The following TNFAIP8 variants were observed in gnomAD, a reference collection of about 807,000 sequenced individuals.
The protein encoded by TNFAIP8 is tumor necrosis factor alpha-induced protein 8.
Under a neutral mutation model 13.3 loss-of-function variants are expected in TNFAIP8, and 7 were observed. The observed-to-expected ratio is 0.52, with a 90% CI of 0.30 to 0.99. TNFAIP8 has a LOEUF of 0.99. TNFAIP8 is among the 50% of genes least tolerant of loss of function. The pLI, the probability that TNFAIP8 is intolerant of heterozygous loss-of-function variation, is 0.07. For missense variants in TNFAIP8, 258 were observed against 236.9 expected, an observed-to-expected ratio of 1.09 and a Z score of -0.58; for synonymous variants, 94 against 87.6, an observed-to-expected ratio of 1.07 and a Z score of -0.41.
In TNFAIP8 at chr5:119,393,081, G is replaced by A; in HGVS notation, c.297G>A (p.Met99Ile). ...TTAATCAAGATGAGCTAGCATTGAT[G>A]GAGAAATTTAAGAAGAAAGTTCATC... is the stretch of plus-strand genomic sequence containing the variant. The part of the protein sequence containing the change: ...NQFNQDELAL[M>I]EKFKKKVHQL... Residue 99 changes from methionine to isoleucine, a missense_variant, in exon 2 of 2, where the codon ATG becomes ATA. Met to Ile is a conservative substitution (Grantham distance 10, BLOSUM62 1). Coordinates refer to ENST00000504771, the MANE Select transcript of TNFAIP8 (RefSeq NM_014350.4). 1 of 1,613,874 alleles carries A rather than the reference G, an allele frequency of 6.2e-7. No individual in the cohort carries two copies. Among genetic ancestry groups the A allele is most frequent in the Non-Finnish European group, 8.5e-7 (1 of 1,179,836 alleles).
chr5:119,274,865 G>C (rs1504978), intron 1 of TNFAIP8, among the ~76,000 whole-genome samples: 61,250 of 152,022 alleles, frequency 0.4, 13,091 homozygotes, highest in African/African-American at 0.52. Flanking sequence ...GACTATTCCT[G>C]TGAACCTGAC....
chr5:119,347,577 G>A (rs1448314824), intron 1 of TNFAIP8, among the ~76,000 whole-genome samples: 1 of 152,130 alleles, frequency 6.6e-6, no homozygotes. Context: ...ACAACTTTGT[G>A]AATCATAACT....
chr5:119,334,624 C>CGTGTGTGTGTGTGTGTGTGT (rs59714206), intron 1 of TNFAIP8, among the ~76,000 whole-genome samples: 8 of 135,800 alleles, frequency 5.9e-5, no homozygotes, highest in African/African-American at 2.3e-4. Context: ...GTGATCCTTT[C>CGTGTGTGTGTGTGTGTGTGT]GTGTGTGTGT....
intron 1 of TNFAIP8, among the ~76,000 whole-genome samples, chr5:119,343,602 G>A (rs1750808597): frequency 6.6e-6 from 1 of 152,178 alleles, no homozygotes; most frequent in African/African-American, 2.4e-5. Context: ...TGTCCAGCAT[G>A]CATTGTATGC....
chr5:119,288,248 A>G (rs1289629862), intron 1 of TNFAIP8, among the ~76,000 whole-genome samples: 1 of 152,078 alleles, frequency 6.6e-6, no homozygotes, highest in Non-Finnish European at 1.5e-5. Flanking sequence ...ACAGTTTTTC[A>G]TGTTTTTATG....
At chr5:119,295,250 A>G in intron 1 of TNFAIP8, among the ~76,000 whole-genome samples, 1 of 67,088 alleles carries the variant, frequency 1.5e-5, no homozygotes, top group Non-Finnish European at 2.8e-5. Flanking sequence ...TCTAACGTTT[A>G]GTCTAACGTT....
intron 1 of TNFAIP8, among the ~76,000 whole-genome samples, chr5:119,298,657 T>C (rs1400775207): frequency 6.6e-6 from 1 of 152,164 alleles, no homozygotes; most frequent in African/African-American, 2.4e-5. Context: ...TTGGCCTGCC[T>C]TGCTGGATTG....
intron 1 of TNFAIP8, among the ~76,000 whole-genome samples, chr5:119,283,564 T>C (rs1308421810): frequency 1.3e-5 from 2 of 152,210 alleles, no homozygotes; most frequent in Admixed American, 6.5e-5. Flanking sequence ...AGGGAAACTC[T>C]TAGCCTTGGT....
chr5:119,355,461 T>C (rs1039325332), upstream of TNFAIP8: 3 of 670,604 alleles, frequency 4.5e-6, no homozygotes, highest in African/African-American at 5.3e-5. Flanking sequence ...TGTGCTCTCT[T>C]AAGCTGGTCC....
At chr5:119,298,619 C>T (rs1421361521) in intron 1 of TNFAIP8, among the ~76,000 whole-genome samples, 3 of 151,818 alleles carry the variant, frequency 2.0e-5, no homozygotes, top group South Asian at 2.1e-4. Context: ...ATCTTTGTGG[C>T]ATTCTCTGTA....
At chr5:119,312,533 C>T (rs886172512) in intron 1 of TNFAIP8, among the ~76,000 whole-genome samples, 8 of 151,580 alleles carry the variant, frequency 5.3e-5, no homozygotes, top group South Asian at 2.1e-4. Context: ...TGACATACAC[C>T]GGGACTCAAA....
intron 1 of TNFAIP8, among the ~76,000 whole-genome samples, chr5:119,306,117 C>T (rs1749545597): frequency 6.6e-6 from 1 of 152,176 alleles, no homozygotes; most frequent in Non-Finnish European, 1.5e-5. Context: ...CTCTGAATTA[C>T]CAACCCCCTC....
At chr5:119,320,942 C>T (rs1455818850) in intron 1 of TNFAIP8, among the ~76,000 whole-genome samples, 3 of 152,044 alleles carry the variant, frequency 2.0e-5, no homozygotes, top group African/African-American at 7.2e-5. Flanking sequence ...CTTGGCTGGG[C>T]ACGGTGGCTC....
chr5:119,394,611 ATTTTTTT>A lies in TNFAIP8; in HGVS notation c.*1243_*1249del, dbSNP rs397963876. 2.6e-5 allele frequency: 3 copies of A among 114,710 alleles called. No homozygotes were observed. Among genetic ancestry groups the A allele is most frequent in the Non-Finnish European group, 5.1e-5 (3 of 58,916 alleles). The allele number at this position is 114,710 out of a possible 1,614,324, so 7.1% of individuals were successfully genotyped here. ...CATTTCCATTGTCACTGTGTCTATGATTTTTTTTTTTTTTTTTTTGAGTCTCGCTCTG... is the reference window on the plus strand; with the variant it reads ...CATTTCCATTGTCACTGTGTCTATGATTTTTTTTTTTTGAGTCTCGCTCTG... On this transcript the variant is annotated 3_prime_UTR_variant, in exon 2 of 2. Transcript: ENST00000504771.
At chr5:119,385,021 G>A (rs1752618180) in intron 1 of TNFAIP8, among the ~76,000 whole-genome samples, 3 of 152,302 alleles carry the variant, frequency 2.0e-5, no homozygotes, top group East Asian at 3.9e-4. Flanking sequence ...AGATCACAGA[G>A]GGAAAGGCTT....
intron 1 of TNFAIP8, among the ~76,000 whole-genome samples, chr5:119,308,565 C>T (rs972759527): frequency 5.3e-5 from 8 of 151,854 alleles, no homozygotes; most frequent in African/African-American, 1.9e-4. Flanking sequence ...CTTTTTTGGT[C>T]TTTCTTAAGA....
chr5:119,285,386 G>C (rs1279730929), intron 1 of TNFAIP8, among the ~76,000 whole-genome samples: 2 of 152,206 alleles, frequency 1.3e-5, no homozygotes, highest in African/African-American at 4.8e-5. Flanking sequence ...CAGAGGGGTA[G>C]TATCCTGGGT....
At position 119,395,805 on chromosome 5, in the gene TNFAIP8, A is replaced by C. The variant is rs1753059379; in HGVS notation, c.*2424A>C. ...AGCTGGGAAGAATCCCCACGTGCTTAGGGTAGATAAATCTGAGCCGAGTTA... is the reference window on the plus strand; with the variant it reads ...AGCTGGGAAGAATCCCCACGTGCTTCGGGTAGATAAATCTGAGCCGAGTTA... On this transcript the variant is annotated 3_prime_UTR_variant, in exon 2 of 2. Coordinates refer to ENST00000504771, the MANE Select transcript of TNFAIP8 (RefSeq NM_014350.4). 1 of 152,226 alleles carries C rather than the reference A, an allele frequency of 6.6e-6. No homozygotes were observed. Among genetic ancestry groups the C allele is most frequent in the East Asian group, 1.9e-4 (1 of 5,200 alleles). 9.4% of individuals were successfully genotyped at this position (152,226 alleles called of 1,614,324 possible).
chr5:119,278,386 TG>T (rs1748525654), intron 1 of TNFAIP8, among the ~76,000 whole-genome samples: 1 of 131,636 alleles, frequency 7.6e-6, no homozygotes, highest in Non-Finnish European at 1.6e-5. Flanking sequence ...AGTGTGTGTG[TG>T]TGTGTGTGTG....
Sources: gnomAD v4.1 joint callset for allele counts (sites outside exome capture counted in the v4.1 genomes callset) on GRCh38, gnomAD v4.1.1 for gene constraint, MANE v1.5 for transcripts, NCBI Gene and HGNC (gene_info 2026-07-23, HGNC 2026-07-21) for gene names.